The following COL26A1 variants were observed in gnomAD, a reference collection of about 807,000 sequenced individuals.
The protein encoded by COL26A1 is collagen type XXVI alpha 1 chain.
A neutral mutation model predicts 59.3 loss-of-function variants in COL26A1; 41 were observed. The ratio of observed to expected loss-of-function variants is 0.69; its 90% CI spans 0.54 to 0.90. The LOEUF is 0.90. COL26A1 is among the 40% of genes least tolerant of loss of function. The pLI is 0.00. For synonymous variants in COL26A1, 266 were observed against 256.0 expected, an observed-to-expected ratio of 1.04 and a Z score of -0.37; for missense variants, 612 against 602.3, an observed-to-expected ratio of 1.02 and a Z score of -0.17.
intron 3 of COL26A1, among the ~76,000 whole-genome samples, chr7:101,461,843 C>A (rs901574699): frequency 1.6e-4 from 24 of 152,082 alleles, no homozygotes; most frequent in Non-Finnish European, 1.5e-4. Context: ...GTGTGCTGGC[C>A]CAGACTGGGC....
At chr7:101,539,759 A>T in intron 4 of COL26A1, 134 bp from the exon 5 acceptor site, 2 of 867,000 alleles carry the variant, frequency 2.3e-6, no homozygotes, top group Non-Finnish European at 3.4e-6. Context: ...TCTCCCACTA[A>T]GGAGCGTGAC....
intron 1 of COL26A1, among the ~76,000 whole-genome samples, chr7:101,417,709 G>GATATAGAGATATATCTAT (rs1792413219): frequency 8.5e-6 from 1 of 116,990 alleles, no homozygotes; most frequent in African/African-American, 4.5e-5. Flanking sequence ...TATATCTATA[G>GATATAGAGATATATCTAT]ATATCTATAT....
chr7:101,466,837 T>TGTGTGTGTGTGTGTGTGTGAGA lies in COL26A1; in HGVS notation c.385+19051_385+19052insTGTGTGTGTGTGTGTGTGAGAG, dbSNP rs764059657. 9.0e-4 allele frequency among the ~76,000 whole-genome samples: 110 copies of TGTGTGTGTGTGTGTGTGTGAGA among 122,682 alleles called. 1 individual carries two copies. Among genetic ancestry groups the TGTGTGTGTGTGTGTGTGTGAGA allele is most frequent in the Non-Finnish European group, 1.4e-3 (80 of 57,694 alleles). The allele number at this position is 122,682 out of a possible 152,430, so 80.5% of individuals were successfully genotyped here. ...GTGTGTGTGTGTGTGTGTGTGTGTG[T>TGTGTGTGTGTGTGTGTGTGAGA]GAGAGAGAGAGATTCAGTCTCTGCC... On this transcript the variant is annotated intron_variant, in intron 3 of 12. Transcript: ENST00000313669.
chr7:101,366,761 G>A (rs886628251), intron 1 of COL26A1, among the ~76,000 whole-genome samples: 2 of 152,130 alleles, frequency 1.3e-5, no homozygotes, highest in African/African-American at 4.8e-5. Flanking sequence ...TTGGCCTCCC[G>A]AAGTGTTGGA....
intron 1 of COL26A1, among the ~76,000 whole-genome samples, chr7:101,364,572 CT>C (rs10596691): frequency 1.7e-3 from 250 of 146,234 alleles, no homozygotes; most frequent in Admixed American, 2.3e-3. Flanking sequence ...TGCTTTCTTT[CT>C]TTTTTTTTTT....
At chr7:101,369,443 CTTTTT>C (rs1210867917) in intron 1 of COL26A1, among the ~76,000 whole-genome samples, 214 of 75,884 alleles carry the variant, frequency 2.8e-3, no homozygotes, top group South Asian at 5.7e-3. Context: ...TAATCTGCAT[CTTTTT>C]TTTTTTTTTT....
chr7:101,525,731 C>A (rs1463359130), intron 3 of COL26A1, among the ~76,000 whole-genome samples: 1 of 152,076 alleles, frequency 6.6e-6, no homozygotes, highest in Non-Finnish European at 1.5e-5. Context: ...CTCCTGACCT[C>A]GTGATCCGCC....
intron 1 of COL26A1, among the ~76,000 whole-genome samples, chr7:101,408,631 G>A (rs2130232024): frequency 6.6e-6 from 1 of 152,308 alleles, no homozygotes; most frequent in Middle Eastern, 3.4e-3. Context: ...TTGATTTGTA[G>A]AGGCCACAAC....
At chr7:101,486,269 C>T (rs977924401) in intron 3 of COL26A1, among the ~76,000 whole-genome samples, 7 of 138,460 alleles carry the variant, frequency 5.1e-5, no homozygotes, top group Non-Finnish European at 8.2e-5. Flanking sequence ...GGGAAGGGAA[C>T]AGACAGCGAT....
intron 1 of COL26A1, among the ~76,000 whole-genome samples, chr7:101,365,724 C>T (rs990279756): frequency 3.9e-5 from 6 of 152,014 alleles, no homozygotes; most frequent in African/African-American, 1.4e-4. Flanking sequence ...GTGCTTGGTC[C>T]CTAAGAGAAC....
intron 2 of COL26A1, among the ~76,000 whole-genome samples, chr7:101,444,417 CTTTT>C (rs71517174): frequency 7.3e-6 from 1 of 137,762 alleles, no homozygotes. Flanking sequence ...TTCCTTTCTT[CTTTT>C]TTTTTTTTTT....
chr7:101,442,730 G>C (rs1793088847), intron 2 of COL26A1, among the ~76,000 whole-genome samples: 1 of 152,016 alleles, frequency 6.6e-6, no homozygotes, highest in Non-Finnish European at 1.5e-5. Context: ...GTGAGGCTGA[G>C]TGTGTGTTTA....
At chr7:101,418,200 G>A (rs1792423464) in intron 1 of COL26A1, among the ~76,000 whole-genome samples, 1 of 152,040 alleles carries the variant, frequency 6.6e-6, no homozygotes, top group South Asian at 2.1e-4. Context: ...CAGGGACAAG[G>A]ACCCGGGTCC....
At chr7:101,370,721 A>C (rs1382304145) in intron 1 of COL26A1, among the ~76,000 whole-genome samples, 2 of 151,910 alleles carry the variant, frequency 1.3e-5, no homozygotes, top group Non-Finnish European at 2.9e-5. Flanking sequence ...CTGTCTCTGA[A>C]TTCACTTTCT....
chr7:101,540,395 A>G (rs577473390), intron 5 of COL26A1, among the ~76,000 whole-genome samples: 2 of 151,576 alleles, frequency 1.3e-5, no homozygotes, highest in Admixed American at 6.6e-5. Flanking sequence ...AAAATTAGCC[A>G]GGCGTGGAGG....
At chr7:101,468,068 C>G (rs1400653912) in intron 3 of COL26A1, among the ~76,000 whole-genome samples, 1 of 151,954 alleles carries the variant, frequency 6.6e-6, no homozygotes, top group Non-Finnish European at 1.5e-5. Flanking sequence ...TTTGGGAGGC[C>G]AAGTCTGGTA....
intron 3 of COL26A1, among the ~76,000 whole-genome samples, chr7:101,510,897 T>C (rs983347096): frequency 7.7e-6 from 1 of 130,534 alleles, no homozygotes; most frequent in Non-Finnish European, 1.5e-5. Flanking sequence ...TTTCTTTCTT[T>C]CTTTTTTTTT....
chr7:101,488,565 A>T (rs1584453726), intron 3 of COL26A1, among the ~76,000 whole-genome samples: 1 of 151,480 alleles, frequency 6.6e-6, no homozygotes, highest in Non-Finnish European at 1.5e-5. Flanking sequence ...CAGTAGAGAC[A>T]GGGTTTCACC....
At chr7:101,548,358 C>A (rs189089341) in intron 8 of COL26A1, among the ~76,000 whole-genome samples, 20 of 152,294 alleles carry the variant, frequency 1.3e-4, no homozygotes, top group African/African-American at 4.8e-4. Context: ...GGAGATTAGT[C>A]ATGAATCTCC....
Sources: gnomAD v4.1 joint callset for allele counts (sites outside exome capture counted in the v4.1 genomes callset) on GRCh38, gnomAD v4.1.1 for gene constraint, MANE v1.5 for transcripts, NCBI Gene and HGNC (gene_info 2026-07-23, HGNC 2026-07-21) for gene names.